The following SPATA9 variants were observed in gnomAD, a reference collection of about 807,000 sequenced individuals.
SPATA9 encodes the protein spermatogenesis-associated protein 9.
In SPATA9, 27 loss-of-function variants were observed where a neutral mutation model predicts 25.5. The observed-to-expected ratio is 1.06, with a 90% CI of 0.78 to 1.46. The LOEUF is 1.46. Ranked by LOEUF, SPATA9 falls within the 40% of genes most tolerant of loss-of-function variation. SPATA9 has a pLI of 0.00. For missense variants in SPATA9, 282 were observed against 297.5 expected, an observed-to-expected ratio of 0.95 and a Z score of 0.38; for synonymous variants, 102 against 105.7, an observed-to-expected ratio of 0.97 and a Z score of 0.21.
At chr5:95,726,602 T>C in the SPATA9 span, among the ~76,000 whole-genome samples, 1 of 152,234 alleles carries the variant, frequency 6.6e-6, no homozygotes, top group Admixed American at 6.5e-5. Flanking sequence ...GTCAACTTCT[T>C]GGCAAATCTG....
At chr5:95,652,966 T>C (rs751304940), downstream of SPATA9, 71 of 1,061,078 alleles carry the variant, frequency 6.7e-5, no homozygotes, top group Middle Eastern at 2.5e-3. Flanking sequence ...TTCAGTGGCT[T>C]TCCTTTGCTC....
chr5:95,713,035 T>C, the SPATA9 span, among the ~76,000 whole-genome samples: 17 of 152,342 alleles, frequency 1.1e-4, no homozygotes, highest in Non-Finnish European at 2.4e-4. Flanking sequence ...CAAGTGGGTG[T>C]TGTTTACATA....
At chr5:95,688,948 T>C (rs1753816520) in intron 1 of SPATA9, among the ~76,000 whole-genome samples, 1 of 152,168 alleles carries the variant, frequency 6.6e-6, no homozygotes. Context: ...AAAAATTTTA[T>C]CATTAAAAAA....
chr5:95,724,410 T>C, the SPATA9 span, among the ~76,000 whole-genome samples: 2 of 152,262 alleles, frequency 1.3e-5, no homozygotes, highest in Non-Finnish European at 2.9e-5. Flanking sequence ...TGAAATTATA[T>C]TTGGAAAATG....
At chr5:95,687,514 A>G (rs1410009922), upstream of SPATA9, among the ~76,000 whole-genome samples, 1 of 152,258 alleles carries the variant, frequency 6.6e-6, no homozygotes, top group Non-Finnish European at 1.5e-5. Flanking sequence ...AATAGCAAAA[A>G]TAAATGCCTG....
the SPATA9 span, chr5:95,732,023 C>G: frequency 6.2e-7 from 1 of 1,614,194 alleles, no homozygotes; most frequent in Non-Finnish European, 8.5e-7. Context: ...CCGGTGTTCA[C>G]CGAGTATCAG....
Position 95,658,551 on chromosome 5 carries a change from A to T in SPATA9, c.*72T>A. ...GAGCAATTCAGAATATGTAAACTAG[A>T]CTCTGAGTTTTGTCAGATGAAATGT... On this transcript the variant is annotated 3_prime_UTR_variant, in exon 5 of 5. Transcript: ENST00000274432. 6.7e-7 allele frequency: 1 copy of T among 1,499,678 alleles called. No homozygotes were observed. Among genetic ancestry groups the T allele is most frequent in the Middle Eastern group, 1.8e-4 (1 of 5,476 alleles). The allele number at this position is 1,499,678 out of a possible 1,614,324, so 92.9% of individuals were successfully genotyped here. A position where few individuals can be genotyped will look rare whatever the true frequency, so the allele number is the denominator to read the frequency against.
chr5:95,716,527 G>A, the SPATA9 span, among the ~76,000 whole-genome samples: 1 of 152,232 alleles, frequency 6.6e-6, no homozygotes, highest in South Asian at 2.1e-4. Context: ...TATCTAGAAA[G>A]TAACTAACTT....
chr5:95,655,461 A>C (rs1490188587), downstream of SPATA9: 1 of 152,266 alleles, frequency 6.6e-6, no homozygotes, highest in Non-Finnish European at 1.5e-5. Context: ...CTTCTTAGAC[A>C]TGCAGAATCT....
chr5:95,661,169 C>T (rs1751218911), intron 4 of SPATA9, among the ~76,000 whole-genome samples: 1 of 152,100 alleles, frequency 6.6e-6, no homozygotes. Context: ...CACTTAACTA[C>T]TCACAACATC....
At chr5:95,690,249 C>A (rs184041976) in intron 1 of SPATA9, among the ~76,000 whole-genome samples, 1 of 152,212 alleles carries the variant, frequency 6.6e-6, no homozygotes, top group East Asian at 1.9e-4. Flanking sequence ...GAAATATCAT[C>A]GTAAACTCAA....
At chr5:95,717,388 T>G in the SPATA9 span, 3 of 152,314 alleles carry the variant, frequency 2.0e-5, no homozygotes, top group East Asian at 5.8e-4. Context: ...AATATATAGA[T>G]ATGTGTGTGT....
chr5:95,659,413 G>A (rs1751045458), intron 4 of SPATA9: 1 of 153,250 alleles, frequency 6.5e-6, no homozygotes, highest in Non-Finnish European at 1.5e-5. Context: ...CTCCAAATAT[G>A]CCACTCAGTA....
intron 2 of SPATA9, among the ~76,000 whole-genome samples, chr5:95,679,493 T>G (rs891100197): frequency 1.3e-5 from 2 of 152,192 alleles, no homozygotes; most frequent in African/African-American, 4.8e-5. Flanking sequence ...TCTTAAGCCT[T>G]ACCTCTCATG....
chr5:95,685,858 A>G (rs1753730332), upstream of SPATA9, among the ~76,000 whole-genome samples: 1 of 152,198 alleles, frequency 6.6e-6, no homozygotes, highest in African/African-American at 2.4e-5. Context: ...TTCTTTTGAG[A>G]TGGAGTCTCA....
At chr5:95,664,179 G>T in intron 3 of SPATA9, 131 bp from the exon 4 acceptor site, 1 of 453,756 alleles carries the variant, frequency 2.2e-6, no homozygotes, top group Non-Finnish European at 3.9e-6. Flanking sequence ...AGCTATCTGG[G>T]CTTTTTCACA....
chr5:95,694,216 C>A (rs759241208), intron 1 of SPATA9, among the ~76,000 whole-genome samples: 4 of 152,100 alleles, frequency 2.6e-5, no homozygotes, highest in Non-Finnish European at 4.4e-5. Flanking sequence ...TATGTAAGTA[C>A]ATATAAGCTT....
the SPATA9 span, among the ~76,000 whole-genome samples, chr5:95,724,998 AC>A: frequency 6.6e-6 from 1 of 151,184 alleles, no homozygotes; most frequent in Non-Finnish European, 1.5e-5. Context: ...AAAAAGTGAG[AC>A]CCCATGTCTT....
chr5:95,686,727 G>A (rs903220639), upstream of SPATA9, among the ~76,000 whole-genome samples: 10 of 152,232 alleles, frequency 6.6e-5, no homozygotes, highest in African/African-American at 2.4e-4. Flanking sequence ...ATTCAGTGAG[G>A]CATCCCACTC....
Sources: allele counts gnomAD v4.1 joint callset (sites outside exome capture counted in the v4.1 genomes callset), GRCh38; gene constraint gnomAD v4.1.1; transcripts MANE v1.5; gene names NCBI Gene and HGNC (gene_info 2026-07-23, HGNC 2026-07-21).